Variants in SPTB observed in about 807,000 individuals in gnomAD.
SPTB encodes spectrin beta chain, erythrocytic.
SPTB carries 45 observed loss-of-function variants against 256.2 expected under a neutral mutation model. The observed-to-expected ratio is 0.18, with a 90% confidence interval of 0.14 to 0.23. The LOEUF is 0.23. Ranked by LOEUF, SPTB falls within the 10% of genes least tolerant of loss-of-function variation. The probability of loss-of-function intolerance (pLI) is 1.00; values close to 1 mark genes in which losing one functional copy is unlikely to be tolerated. For synonymous variants in SPTB, 1,231 were observed against 1,243.1 expected (o/e 0.99, Z 0.21); for missense variants, 2,715 against 3,040.4 (o/e 0.89, Z 2.52).
Position 64,760,442 on chromosome 14 carries a change from G to A in SPTB, c.6345+6284C>T, listed in dbSNP as rs565384847. 2.6e-5 allele frequency among the ~76,000 whole-genome samples: 4 copies of A among 152,284 alleles called. No homozygotes were observed. In the East Asian group the frequency reaches 5.8e-4, roughly 22 times the overall value. On this transcript the variant is annotated intron_variant, in intron 32 of 35. Transcript: ENST00000644917. The surrounding 1 kb of genome is among the most constrained non-coding windows in gnomAD (Gnocchi z 4.3). ...ACAACCTGGCTCCGGACCACAGGGT[G>A]TTTCAGAGGTTCTGAAGATGCTCAG...
intron 1 of SPTB, among the ~76,000 whole-genome samples, chr14:64,876,150 T>G (rs1882813721): frequency 6.6e-6 from 1 of 152,102 alleles, no homozygotes; most frequent in Admixed American, 6.5e-5. Context: ...AATTTTTTGT[T>G]TGTTTGTTTG....
Position 64,775,050 on chromosome 14 carries a change from C to G in SPTB, c.4842+75G>C. ...TCCTCACACAGTTGGACTCACAAGGCTCCCTACCGACAGCCAACCTCAACT... is the reference window on the plus strand; with the variant it reads ...TCCTCACACAGTTGGACTCACAAGGGTCCCTACCGACAGCCAACCTCAACT... On this transcript the variant is annotated intron_variant, in intron 23 of 35. Transcript: ENST00000644917. This position sits in a 1 kb window ranked among gnomAD's most constrained non-coding sequence, Gnocchi z 5.0. 1 of 1,606,160 alleles carries G rather than the reference C, an allele frequency of 6.2e-7. No homozygotes were observed. Among genetic ancestry groups the G allele is most frequent in the Non-Finnish European group, 8.5e-7 (1 of 1,174,948 alleles).
chr14:64,835,674 G>A (rs17102193), intron 1 of SPTB, among the ~76,000 whole-genome samples: 5,118 of 152,278 alleles, frequency 0.034, 253 homozygotes, highest in African/African-American at 0.11. Flanking sequence ...TCCTGCTGTC[G>A]CTCTGCTGCT....
At chr14:64,751,946 T>TAAAAAAAAAAAAAAACAAAAA (rs1566731898) in intron 33 of SPTB, among the ~76,000 whole-genome samples, 1 of 90,440 alleles carries the variant, frequency 1.1e-5, no homozygotes, top group African/African-American at 4.4e-5. Flanking sequence ...AAAAAAAAAT[T>TAAAAAAAAAAAAAAACAAAAA]AGCCAGGCGT....
rs1215354345 is a variant in SPTB, at chr14:64,861,159, TG to T, written c.-52+18632del. Reference sequence around the variant, plus strand: ...GTAGGAATTGAACATTGAGAACGCATGGACACAGAGAGGGGAACAACACACA... The same window carrying T: ...GTAGGAATTGAACATTGAGAACGCATGACACAGAGAGGGGAACAACACACA... On this transcript the variant is annotated intron_variant, in intron 1 of 35. Coordinates refer to ENST00000644917, the MANE Select transcript of SPTB (RefSeq NM_001355436.2). Among the ~76,000 whole-genome samples, 16 of 152,004 alleles carry T rather than the reference TG, an allele frequency of 1.1e-4. No homozygotes were observed. In the East Asian group the frequency reaches 2.9e-3, roughly 28 times the overall value.
chr14:64,822,260 A>G lies in SPTB; in HGVS notation c.148+687T>C, dbSNP rs1047697928. On this transcript the variant is annotated intron_variant, in intron 2 of 35. Transcript: ENST00000644917. ...GAGGCAATAGTCACAGGAGTTGGGG[A>G]AAAAAAAAAAATCCCAAGAATCAGA... 3.1e-4 allele frequency among the ~76,000 whole-genome samples: 32 copies of G among 102,214 alleles called. No individual in the cohort carries two copies. The South Asian group carries it at 4.0e-3, about 13-fold the overall frequency. The allele number at this position is 102,214 out of a possible 152,430, so 67.1% of individuals were successfully genotyped here. A position where few individuals can be genotyped will look rare whatever the true frequency, so the allele number is the denominator to read the frequency against.
chr14:64,772,732 G>A lies in SPTB; in HGVS notation c.5401C>T (p.Arg1801Cys), dbSNP rs781493805. Residue 1801 changes from arginine to cysteine, a missense_variant, in exon 26 of 36, where the codon CGC (arginine) becomes TGC (cysteine). Arg to Cys is a radical substitution (Grantham distance 180, BLOSUM62 -3). Coordinates refer to ENST00000644917, the MANE Select transcript of SPTB (RefSeq NM_001355436.2). This position sits in a 1 kb window ranked among gnomAD's most constrained non-coding sequence, Gnocchi z 5.4. The stretch of plus-strand genomic sequence containing the variant: ...ATCTCGGCACCCGTGTAGAAGTAGC[G>A]GTGCAGGTCATAGGAGGCGGCCAGC... Reference protein sequence around the residue: ...QLLAASYDLHRYFYTGAEILG... With the variant: ...QLLAASYDLHCYFYTGAEILG... The A allele has an allele frequency of 3.7e-6, 6 of 1,613,792 alleles. No homozygotes were observed. The highest frequency in any genetic ancestry group is 1.1e-5 in the South Asian group (1 of 91,080).
Position 64,792,894 on chromosome 14 carries a change from T to C in SPTB, c.2666+103A>G. The C allele has an allele frequency of 6.5e-7, 1 of 1,542,740 alleles. No individual in the cohort carries two copies. On this transcript the variant is annotated intron_variant, in intron 14 of 35. Transcript: ENST00000644917. The surrounding 1 kb of genome is among the most constrained non-coding windows in gnomAD (Gnocchi z 4.2). ...GCAACAAAGGACATCCCAGGGCCTC[T>C]CAAAGAGACCTTTGCTGATCCAGAG...
At chr14:64,833,781 AG>A (rs780039823) in intron 1 of SPTB, among the ~76,000 whole-genome samples, 4 of 152,154 alleles carry the variant, frequency 2.6e-5, no homozygotes, top group Admixed American at 1.3e-4. Flanking sequence ...GCATAATGCC[AG>A]GTACATGAAA....
chr14:64,846,539 C>T (rs79926144), intron 1 of SPTB, among the ~76,000 whole-genome samples: 1,820 of 152,280 alleles, frequency 0.012, 45 homozygotes, highest in African/African-American at 0.042. Flanking sequence ...GATAAATGTA[C>T]GCACCTGTGT....
chr14:64,763,984 C>A, intron 32 of SPTB: 2 of 476,594 alleles, frequency 4.2e-6, no homozygotes, highest in Non-Finnish European at 8.4e-6. Flanking sequence ...GCCTGGTCCA[C>A]TCCCATCAGT....
chr14:64,775,282 A>T lies in SPTB; in HGVS notation c.4685T>A (p.Leu1562Gln). 1.9e-6 allele frequency: 3 copies of T among 1,613,560 alleles called. No individual in the cohort carries two copies. Among genetic ancestry groups the T allele is most frequent in the African/African-American group, 1.3e-5 (1 of 75,064 alleles). The change falls in exon 23 of 36, where the codon CTG (leucine) becomes CAG (glutamine). Residue 1562 changes from leucine (L) to glutamine (Q), a missense_variant. This residue lies in a region of SPTB where 2,239 missense variants were observed against 2,384.4 expected (regional missense o/e 0.94). Transcript: ENST00000644917. The surrounding 1 kb of genome is among the most constrained non-coding windows in gnomAD (Gnocchi z 5.0). The stretch of plus-strand genomic sequence containing the variant: ...CCGCAGCCTGTCCCAGGAGCTCTGC[A>T]GGTGCCCCAGGCGCTCCTCAAGGTC... ...CQDLEERLGH[L>Q]QSSWDRLREA...
In SPTB at chr14:64,782,547, T is replaced by C; in HGVS notation, c.4009A>G (p.Lys1337Glu). 1 of 1,613,774 alleles carries C rather than the reference T, an allele frequency of 6.2e-7. No individual in the cohort carries two copies. The highest frequency in any genetic ancestry group is 1.3e-5 in the African/African-American group (1 of 75,042). ...GWLENIDAEG[K>E]QLMDEKPQFT... is the part of the protein sequence containing the mutation. ...TGGGGCTTCTCATCCATCAGCTGCT[T>C]TCCTTCCTAGGGGCAAGAAGGAGGA... Residue 1337 changes from lysine to glutamate, a missense_variant, in exon 20 of 36, where the codon AAG becomes GAG. By Grantham distance (56) the Lys-to-Glu change is moderately conservative. Coordinates refer to ENST00000644917, the MANE Select transcript of SPTB (RefSeq NM_001355436.2).
Position 64,845,247 on chromosome 14 carries a change from C to G in SPTB, c.-51-22102G>C, listed in dbSNP as rs1266181187. ...TCCTTATCAGAAAATAGCCACTTAGCAAGTTTTTTCCTTTGAACAGAAGTA... is the reference window on the plus strand; with the variant it reads ...TCCTTATCAGAAAATAGCCACTTAGGAAGTTTTTTCCTTTGAACAGAAGTA... On this transcript the variant is annotated intron_variant, in intron 1 of 35. Coordinates refer to ENST00000644917, the MANE Select transcript of SPTB (RefSeq NM_001355436.2). This position sits in a 1 kb window ranked among gnomAD's most constrained non-coding sequence, Gnocchi z 4.8. 6.6e-6 allele frequency among the ~76,000 whole-genome samples: 1 copy of G among 152,192 alleles called. No homozygotes were observed. Among genetic ancestry groups the G allele is most frequent in the Non-Finnish European group, 1.5e-5 (1 of 68,022 alleles).
Position 64,816,870 on chromosome 14 carries a change from C to G in SPTB, c.148+6077G>C, listed in dbSNP as rs2139680416. Among the ~76,000 whole-genome samples the G allele has an allele frequency of 6.6e-6, 1 of 152,254 alleles. No homozygotes were observed. On this transcript the variant is annotated intron_variant, in intron 2 of 35. Transcript: ENST00000644917. This position sits in a 1 kb window ranked among gnomAD's most constrained non-coding sequence, Gnocchi z 4.2. ...AATGGGTGCTGGCTTTTCCTGAGAG[C>G]CATAAACACAGACAAGGCCTGGGGT...
At chr14:64,832,498 C>G (rs1269201524) in intron 1 of SPTB, among the ~76,000 whole-genome samples, 2 of 152,154 alleles carry the variant, frequency 1.3e-5, no homozygotes, top group Non-Finnish European at 2.9e-5. Flanking sequence ...CTTCCTCTGT[C>G]TACACACTGT....
At chr14:64,765,999 G>GTGTGTT (rs1491470692) in intron 32 of SPTB, among the ~76,000 whole-genome samples, 1 of 150,000 alleles carries the variant, frequency 6.7e-6, no homozygotes, top group Non-Finnish European at 1.5e-5. Flanking sequence ...GATGGGTGTG[G>GTGTGTT]TGTGTGCATA....
At chr14:64,798,441 A>G (rs928295472) in intron 9 of SPTB, among the ~76,000 whole-genome samples, 1 of 152,328 alleles carries the variant, frequency 6.6e-6, no homozygotes, top group South Asian at 2.1e-4. Flanking sequence ...AATTGTCAGC[A>G]GGATCGGTGT....
intron 33 of SPTB, 121 bp downstream of exon 33, chr14:64,753,416 C>T (rs2081978158): frequency 1.3e-6 from 2 of 1,503,964 alleles, no homozygotes; most frequent in Admixed American, 1.8e-5. Context: ...GGAGCTCTCA[C>T]AGGCCAAGGC....
Sources: allele counts gnomAD v4.1 joint callset (sites outside exome capture counted in the v4.1 genomes callset), GRCh38; gene constraint gnomAD v4.1.1; regional missense constraint gnomAD v4.1.1; non-coding constraint Gnocchi (gnomAD v3.1); transcripts MANE v1.5; gene names NCBI Gene and HGNC (gene_info 2026-07-23, HGNC 2026-07-21).